PRDX2: variants seen among roughly 807,000 people sequenced by gnomAD.
The protein encoded by PRDX2 is peroxiredoxin 2.
In PRDX2, 10 loss-of-function variants were observed where a neutral mutation model predicts 19.8. The ratio of observed to expected loss-of-function variants is 0.50; its 90% CI spans 0.31 to 0.86. The LOEUF is 0.86. Among genes scored for constraint, PRDX2 ranks in the 40% least tolerant of loss-of-function variants. The pLI is 0.04. For missense variants in PRDX2, 226 were observed against 260.1 expected (o/e 0.87, Z 0.90); for synonymous variants, 118 against 108.2 (o/e 1.09, Z -0.56).
At chr19:12,799,758 C>T (rs1453447994) in intron 5 of PRDX2, 101 bp downstream of exon 5, 4 of 1,479,088 alleles carry the variant, frequency 2.7e-6, no homozygotes, top group Non-Finnish European at 1.8e-6. Context: ...CTTTGGGGCC[C>T]TAACACCCAT....
At chr19:12,801,366 G>C in intron 1 of PRDX2, 96 bp from the exon 2 acceptor site, 5 of 1,303,732 alleles carry the variant, frequency 3.8e-6, no homozygotes, top group Non-Finnish European at 5.4e-6. Context: ...GAGTCAGCAC[G>C]GCGGAGGCGA....
At position 12,801,223 on chromosome 19, in the gene PRDX2, A is replaced by G. The variant is rs1304601853; in HGVS notation, c.39T>C (p.Pro13=). 1 of 1,613,874 alleles carries G rather than the reference A, an allele frequency of 6.2e-7. No homozygotes were observed. Among genetic ancestry groups the G allele is most frequent in the East Asian group, 2.2e-5 (1 of 44,894 alleles). The stretch of plus-strand genomic sequence containing the variant: ...CAACCACCGCTGTGGCCTTGAAGTC[A>G]GGGGCTGGCTTTCCGATGCGCGCGT... ...SGNARIGKPA[P]DFKATAVVDG... The change falls in exon 2 of 6, where the codon CCT becomes CCC. Residue 13 remains proline, a synonymous_variant. Transcript: ENST00000301522.
intron 1 of PRDX2, 29 bp from the exon 2 acceptor site, chr19:12,801,299 G>A (rs1968893438): frequency 6.3e-7 from 1 of 1,582,148 alleles, no homozygotes; most frequent in Middle Eastern, 1.7e-4. Context: ...CAGTGCGCCC[G>A]GGAAGACACT....
rs368053445 is a variant in PRDX2, at chr19:12,799,842, T to C, written c.511+17A>G. The C allele has an allele frequency of 4.8e-5, 77 of 1,610,524 alleles. No homozygotes were observed. Among genetic ancestry groups the C allele is most frequent in the Non-Finnish European group, 6.1e-5 (72 of 1,179,018 alleles). ...GCGCTCAGTATGTACCCATGTGTCA[T>C]GTGTGTATCTGCTCACCTTCCCCAT... On this transcript the variant is annotated intron_variant, in intron 5 of 5. Transcript: ENST00000301522.
intron 3 of PRDX2, chr19:12,800,617 G>A (rs781606173): frequency 9.6e-6 from 12 of 1,250,868 alleles, no homozygotes; most frequent in South Asian, 3.2e-5. Context: ...CCTTCACTTC[G>A]GTGAACTGGA....
At chr19:12,800,670 G>T in intron 3 of PRDX2, 4 of 1,438,114 alleles carry the variant, frequency 2.8e-6, no homozygotes, top group Non-Finnish European at 2.8e-6. Context: ...CTCCCTCCTG[G>T]GAACTAAGTA....
Position 12,799,925 on chromosome 19 carries a change from C to T in PRDX2, c.445G>A (p.Gly149Arg). The part of the protein sequence containing the change: ...RQITVNDLPV[G>R]RSVDEALRLV... ...CGCAGAGCCTCATCCACGGAGCGTC[C>T]CACAGGCAAATCATTAACAGTGATC... The change falls in exon 5 of 6, where the codon GGA becomes AGA. Residue 149 changes from glycine (G) to arginine (R), a missense_variant. Physicochemically the swap from Gly to Arg is moderately radical, Grantham distance 125. Transcript: ENST00000301522. 1 of 1,613,946 alleles carries T rather than the reference C, an allele frequency of 6.2e-7. No homozygotes were observed. Among genetic ancestry groups the T allele is most frequent in the Non-Finnish European group, 8.5e-7 (1 of 1,179,986 alleles).
chr19:12,799,205 T>A (rs1599526985), intron 5 of PRDX2, among the ~76,000 whole-genome samples: 1 of 152,008 alleles, frequency 6.6e-6, no homozygotes, highest in East Asian at 1.9e-4. Context: ...GGCCTGTTTG[T>A]TTGTTTTTTT....
Position 12,801,252 on chromosome 19 carries a change from C to G in PRDX2, c.10G>C (p.Gly4Arg). 1 of 1,612,752 alleles carries G rather than the reference C, an allele frequency of 6.2e-7. No individual in the cohort carries two copies. Among genetic ancestry groups the G allele is most frequent in the Non-Finnish European group, 8.5e-7 (1 of 1,179,510 alleles). The stretch of plus-strand genomic sequence containing the variant: ...GCTGGCTTTCCGATGCGCGCGTTAC[C>G]GGAGGCCATGACTGAAAGCTGAGAC... MAS[G>R]NARIGKPAPD... is the part of the protein sequence containing the mutation. Residue 4 changes from glycine to arginine, a missense_variant, in exon 2 of 6, where the codon GGT (glycine) becomes CGT (arginine). Coordinates refer to ENST00000301522, the MANE Select transcript of PRDX2 (RefSeq NM_005809.6).
intron 3 of PRDX2, chr19:12,800,635 T>C (rs1187556460): frequency 2.9e-6 from 4 of 1,362,506 alleles, no homozygotes; most frequent in Non-Finnish European, 3.9e-6. Context: ...GGAGTTTCCA[T>C]CTTCATGAAA....
At chr19:12,800,418 G>T (rs552862926) in intron 3 of PRDX2, 119 bp from the exon 4 acceptor site, 10 of 1,333,404 alleles carry the variant, frequency 7.5e-6, no homozygotes, top group South Asian at 4.3e-5. Context: ...AGAGTAGGCC[G>T]CTGGGAGCCT....
At chr19:12,798,160 TC>T (rs1968826914) in intron 5 of PRDX2, among the ~76,000 whole-genome samples, 1 of 150,914 alleles carries the variant, frequency 6.6e-6, no homozygotes, top group Non-Finnish European at 1.5e-5. Context: ...TTCTCCTACC[TC>T]AGCCGCCAGA....
At chr19:12,797,328 CT>C (rs112459805) in intron 5 of PRDX2, among the ~76,000 whole-genome samples, 162 bp from the exon 6 acceptor site, 153 of 142,384 alleles carry the variant, frequency 1.1e-3, no homozygotes, top group South Asian at 4.0e-3. Context: ...AGTATTTTTT[CT>C]TTTTTTTTTT....
At position 12,797,016 on chromosome 19, in the gene PRDX2, G is replaced by A; in HGVS notation, c.*65C>T. The A allele has an allele frequency of 6.5e-7, 1 of 1,541,906 alleles. No homozygotes were observed. The highest frequency in any genetic ancestry group is 1.1e-5 in the South Asian group (1 of 87,970). ...GGTCAGCATAGGGCACCCAGGTGGG[G>A]GCACAGGTGGACACCCAGCACAGGC... On this transcript the variant is annotated 3_prime_UTR_variant, in exon 6 of 6. Coordinates refer to ENST00000301522, the MANE Select transcript of PRDX2 (RefSeq NM_005809.6).
At chr19:12,801,604 G>A (rs775099007) in intron 1 of PRDX2, 136 bp downstream of exon 1, 22 of 413,250 alleles carry the variant, frequency 5.3e-5, no homozygotes, top group Middle Eastern at 1.4e-3. Context: ...CAAGGCTGTG[G>A]CCTCGGTTTC....
intron 4 of PRDX2, 24 bp from the exon 5 acceptor site, chr19:12,800,013 G>A (rs1329194185): frequency 6.2e-7 from 1 of 1,612,016 alleles, no homozygotes; most frequent in Non-Finnish European, 8.5e-7. Context: ...GGTTCCCAGT[G>A]AGGAGCTGAT....
Position 12,797,132 on chromosome 19 carries a change from C to T in PRDX2, c.546G>A (p.Thr182=), listed in dbSNP as rs759618304. The change falls in exon 6 of 6, where the codon ACG becomes ACA. Residue 182 remains threonine (T), a synonymous_variant. Transcript: ENST00000301522. The stretch of plus-strand genomic sequence containing the variant: ...TGCTGTCATCCACGTTGGGCTTAAT[C>T]GTGTCACTGCCAGGCTTCCAGCCAG... ...CPAGWKPGSD[T]IKPNVDDSKE... is the part of the protein sequence containing the mutation. 2.4e-5 allele frequency: 38 copies of T among 1,614,002 alleles called. No individual in the cohort carries two copies. Among genetic ancestry groups the T allele is most frequent in the Non-Finnish European group, 2.9e-5 (34 of 1,180,004 alleles).
chr19:12,800,872 G>T, intron 3 of PRDX2, 44 bp downstream of exon 3: 1 of 1,571,014 alleles, frequency 6.4e-7, no homozygotes, highest in Non-Finnish European at 8.6e-7. Flanking sequence ...GGACCTGAGG[G>T]TGTGAGCTTA....
Position 12,797,077 on chromosome 19 carries a change from C to G in PRDX2, c.*4G>C. ...GGGCACAAGCTCACTATCCGTTAGC[C>G]AGCCTAATTGTGTTTGGAGAAATAT... On this transcript the variant is annotated 3_prime_UTR_variant, in exon 6 of 6. Transcript: ENST00000301522. 1 of 1,613,844 alleles carries G rather than the reference C, an allele frequency of 6.2e-7. No individual in the cohort carries two copies. Among genetic ancestry groups the G allele is most frequent in the Non-Finnish European group, 8.5e-7 (1 of 1,179,972 alleles).
Sources: allele counts gnomAD v4.1 joint callset (sites outside exome capture counted in the v4.1 genomes callset), GRCh38; gene constraint gnomAD v4.1.1; transcripts MANE v1.5; gene names NCBI Gene and HGNC (gene_info 2026-07-23, HGNC 2026-07-21).